XKR4: variants seen among roughly 807,000 people sequenced by gnomAD.
The protein encoded by XKR4 is XK-related protein 4.
In XKR4, 12 loss-of-function variants were observed where a neutral mutation model predicts 53.9. That is an observed-to-expected ratio of 0.22 (90% CI 0.14 to 0.36). The LOEUF (loss-of-function observed/expected upper bound fraction) is 0.36. Ranked by LOEUF, XKR4 falls within the 10% of genes least tolerant of loss-of-function variation. XKR4 has a pLI of 1.00. For synonymous variants in XKR4, 354 were observed against 362.4 expected (o/e 0.98, Z 0.26); for missense variants, 799 against 859.5 (o/e 0.93, Z 0.88).
At chr8:55,421,619 G>T (rs1039846862) in intron 2 of XKR4, among the ~76,000 whole-genome samples, 1 of 152,152 alleles carries the variant, frequency 6.6e-6, no homozygotes, top group African/African-American at 2.4e-5. Flanking sequence ...GCTGATGGTA[G>T]TTATTTAACA....
chr8:55,139,512 CA>C (rs5891559), intron 1 of XKR4, among the ~76,000 whole-genome samples: 52 of 114,426 alleles, frequency 4.5e-4, no homozygotes, highest in Admixed American at 5.9e-4. Context: ...GACTCCGTCT[CA>C]AAAAAAAAAA....
At chr8:55,186,404 G>A (rs564206027) in intron 1 of XKR4, among the ~76,000 whole-genome samples, 1 of 152,060 alleles carries the variant, frequency 6.6e-6, no homozygotes. Context: ...GCCTGTAATT[G>A]CAGCACTTTG....
intron 2 of XKR4, among the ~76,000 whole-genome samples, chr8:55,414,112 G>A (rs1804811683): frequency 6.6e-6 from 1 of 152,152 alleles, no homozygotes; most frequent in South Asian, 2.1e-4. Flanking sequence ...GTCTTCTACA[G>A]TAAGAAAGAG....
At chr8:55,214,726 A>C (rs538814484) in intron 1 of XKR4, among the ~76,000 whole-genome samples, 1 of 152,244 alleles carries the variant, frequency 6.6e-6, no homozygotes, top group South Asian at 2.1e-4. Context: ...ACTGACCCCA[A>C]AGTCCCCTGT....
At chr8:55,351,933 G>T (rs1803730021) in intron 1 of XKR4, among the ~76,000 whole-genome samples, 2 of 152,184 alleles carry the variant, frequency 1.3e-5, no homozygotes, top group African/African-American at 4.8e-5. Context: ...AATATTGCAT[G>T]TGTTCAATAC....
At chr8:55,177,638 A>G (rs1817252923) in intron 1 of XKR4, among the ~76,000 whole-genome samples, 1 of 152,188 alleles carries the variant, frequency 6.6e-6, no homozygotes, top group African/African-American at 2.4e-5. Flanking sequence ...GGGAGGAAAC[A>G]TGTTCTCTTT....
intron 1 of XKR4, among the ~76,000 whole-genome samples, chr8:55,236,281 T>C (rs1049332733): frequency 7.9e-5 from 12 of 152,044 alleles, no homozygotes; most frequent in Admixed American, 7.2e-4. Flanking sequence ...TGGAAAATGG[T>C]ATTAAAGGGA....
At chr8:55,479,614 T>G (rs531411454) in intron 2 of XKR4, among the ~76,000 whole-genome samples, 1 of 152,110 alleles carries the variant, frequency 6.6e-6, no homozygotes, top group South Asian at 2.1e-4. Flanking sequence ...TCCAGGAGAT[T>G]GTTTTTTGAA....
At chr8:55,290,407 G>A (rs1453138272) in intron 1 of XKR4, among the ~76,000 whole-genome samples, 1 of 152,106 alleles carries the variant, frequency 6.6e-6, no homozygotes, top group Non-Finnish European at 1.5e-5. Flanking sequence ...TGGGATTACA[G>A]GCACGAGCCA....
chr8:55,138,161 G>T (rs779270461), intron 1 of XKR4, among the ~76,000 whole-genome samples: 4 of 152,004 alleles, frequency 2.6e-5, no homozygotes, highest in East Asian at 1.9e-4. Context: ...AGTCCAGAGG[G>T]TTCCTTTTTT....
At position 55,415,724 on chromosome 8, in the gene XKR4, G is replaced by A. The variant is rs1338281170; in HGVS notation, c.1006+57847G>A. Among the ~76,000 whole-genome samples the A allele has an allele frequency of 2.6e-5, 4 of 152,118 alleles. No individual in the cohort carries two copies. In the East Asian group the frequency reaches 5.8e-4, roughly 22 times the overall value. ...CATTAGAAAATTGTTTTAGGACAGG[G>A]TGATTATAGGGTGAAAAATACATAG... On this transcript the variant is annotated intron_variant, in intron 2 of 2. Coordinates refer to ENST00000327381, the MANE Select transcript of XKR4 (RefSeq NM_052898.2).
chr8:55,145,730 C>T (rs1816765240), intron 1 of XKR4, among the ~76,000 whole-genome samples: 1 of 152,194 alleles, frequency 6.6e-6, no homozygotes, highest in South Asian at 2.1e-4. Flanking sequence ...TCTCTAATTA[C>T]ATGTATGCTC....
intron 2 of XKR4, among the ~76,000 whole-genome samples, chr8:55,414,000 A>G (rs1372606455): frequency 6.6e-6 from 1 of 152,246 alleles, no homozygotes; most frequent in Non-Finnish European, 1.5e-5. Flanking sequence ...TCTTTTGATA[A>G]TCAAAATATA....
At chr8:55,115,534 C>G (rs573941139) in intron 1 of XKR4, among the ~76,000 whole-genome samples, 1 of 152,222 alleles carries the variant, frequency 6.6e-6, no homozygotes, top group Admixed American at 6.5e-5. Context: ...CCTGTAATCC[C>G]AGCACTTTGG....
chr8:55,479,801 G>A (rs550347513), intron 2 of XKR4, among the ~76,000 whole-genome samples: 1 of 152,280 alleles, frequency 6.6e-6, no homozygotes, highest in South Asian at 2.1e-4. Flanking sequence ...AAATCTGGAA[G>A]AAATGGATAA....
intron 1 of XKR4, among the ~76,000 whole-genome samples, chr8:55,247,758 C>G (rs1246016492): frequency 6.6e-6 from 1 of 152,088 alleles, no homozygotes; most frequent in African/African-American, 2.4e-5. Flanking sequence ...CTTTCTCTTA[C>G]GAGTTCCAGA....
At chr8:55,110,989 A>C (rs1226047159) in intron 1 of XKR4, among the ~76,000 whole-genome samples, 1 of 152,180 alleles carries the variant, frequency 6.6e-6, no homozygotes, top group Admixed American at 6.5e-5. Context: ...AGGTGGTCTG[A>C]GTGACACCAT....
intron 2 of XKR4, chr8:55,455,154 G>A: frequency 1.7e-6 from 1 of 572,244 alleles, no homozygotes; most frequent in Non-Finnish European, 3.2e-6. Flanking sequence ...AGGGACGCTG[G>A]GCGGGCTCCG....
At chr8:55,492,719 T>G (rs933332039) in intron 2 of XKR4, among the ~76,000 whole-genome samples, 1 of 152,248 alleles carries the variant, frequency 6.6e-6, no homozygotes, top group African/African-American at 2.4e-5. Context: ...TCTTCATTTG[T>G]TTGGTTCCTA....
Sources: allele counts gnomAD v4.1 joint callset (sites outside exome capture counted in the v4.1 genomes callset), GRCh38; gene constraint gnomAD v4.1.1; transcripts MANE v1.5; gene names NCBI Gene and HGNC (gene_info 2026-07-23, HGNC 2026-07-21).